The following RLIG1 variants were observed in gnomAD, a reference collection of about 807,000 sequenced individuals.
RLIG1 encodes RNA 5'-phosphate and 3'-OH ligase 1, also known as RNA ligase 1.
At chr12:88,046,602 C>A in the RLIG1 span, among the ~76,000 whole-genome samples, 1 of 152,104 alleles carries the variant, frequency 6.6e-6, no homozygotes, top group Non-Finnish European at 1.5e-5. Flanking sequence ...GTTTGCTGAA[C>A]CGTGGTGGAG....
At chr12:88,049,093 A>G in the RLIG1 span, 1 of 683,192 alleles carries the variant, frequency 1.5e-6, no homozygotes, top group Non-Finnish European at 2.5e-6. Flanking sequence ...TGAGAAGGAA[A>G]TACTACAGTT....
chr12:88,049,310 ATTC>A, the RLIG1 span: 13 of 1,549,158 alleles, frequency 8.4e-6, no homozygotes, highest in South Asian at 2.3e-5. Context: ...CTAAGAGAAT[ATTC>A]TTCTTCACTT....
At chr12:88,047,175 A>G in the RLIG1 span, among the ~76,000 whole-genome samples, 4 of 152,146 alleles carry the variant, frequency 2.6e-5, no homozygotes, top group African/African-American at 7.2e-5. Context: ...GGCATCGATC[A>G]TAACAGGTGT....
chr12:88,048,142 C>T, the RLIG1 span: 3 of 938,152 alleles, frequency 3.2e-6, no homozygotes, highest in Admixed American at 6.7e-5. Context: ...GAGTCTTACC[C>T]AGTACCTGGC....
At chr12:88,035,850 C>G in the RLIG1 span, 1 of 1,528,526 alleles carries the variant, frequency 6.5e-7, no homozygotes, top group Non-Finnish European at 8.8e-7. Flanking sequence ...GCCCTGCAGG[C>G]CAGGAACCTC....
the RLIG1 span, chr12:88,048,367 T>A: frequency 6.3e-7 from 1 of 1,587,882 alleles, no homozygotes; most frequent in East Asian, 2.3e-5. Context: ...AATCATTTTT[T>A]AAAAATAGAT....
the RLIG1 span, chr12:88,046,880 A>C: frequency 6.2e-7 from 1 of 1,613,196 alleles, no homozygotes; most frequent in Middle Eastern, 1.7e-4. Flanking sequence ...ATCTACCTTC[A>C]TTGAAGCACA....
chr12:88,047,465 T>C, the RLIG1 span, among the ~76,000 whole-genome samples: 1 of 152,094 alleles, frequency 6.6e-6, no homozygotes, highest in Admixed American at 6.6e-5. Flanking sequence ...ACTCTCTGAG[T>C]CCACATAATT....
the RLIG1 span, chr12:88,041,943 G>T: frequency 3.3e-5 from 5 of 152,142 alleles, no homozygotes; most frequent in African/African-American, 1.2e-4. Context: ...TCAAGTCACA[G>T]AACCCAAAGT....
At chr12:88,045,749 A>T in the RLIG1 span, 1 of 1,613,144 alleles carries the variant, frequency 6.2e-7, no homozygotes, top group Non-Finnish European at 8.5e-7. Flanking sequence ...ACTGGAACTC[A>T]TAGGAACAAA....
the RLIG1 span, chr12:88,048,843 TC>T: frequency 5.3e-6 from 1 of 186,962 alleles, no homozygotes; most frequent in African/African-American, 2.3e-5. Flanking sequence ...GATTTGAGAA[TC>T]TTAACACATG....
the RLIG1 span, among the ~76,000 whole-genome samples, chr12:88,038,105 A>G: frequency 6.6e-6 from 1 of 152,192 alleles, no homozygotes; most frequent in South Asian, 2.1e-4. Flanking sequence ...AAACATGAAA[A>G]AAACAAAATC....
the RLIG1 span, chr12:88,049,142 A>C: frequency 2.5e-5 from 30 of 1,186,294 alleles, no homozygotes; most frequent in South Asian, 4.0e-4. Flanking sequence ...TAACTTATAA[A>C]GTTAATAAAT....
At chr12:88,043,591 T>C in the RLIG1 span, 4 of 1,570,438 alleles carry the variant, frequency 2.5e-6, no homozygotes, top group Non-Finnish European at 3.5e-6. Context: ...CTTTTTAATA[T>C]TTTTTAGAAT....
chr12:88,035,743 G>A, the RLIG1 span: 1 of 1,590,754 alleles, frequency 6.3e-7, no homozygotes, highest in Non-Finnish European at 8.6e-7. Context: ...CATCAGGTAC[G>A]GAGGAGCGCC....
chr12:88,049,959 A>G, the RLIG1 span: 1 of 166,968 alleles, frequency 6.0e-6, no homozygotes, highest in Admixed American at 6.5e-5. Context: ...TAATTCTCAT[A>G]TCCATGCCTT....
chr12:88,040,373 AG>A, the RLIG1 span: 1 of 588,016 alleles, frequency 1.7e-6, no homozygotes, highest in African/African-American at 1.9e-5. Context: ...TGGAAACCTA[AG>A]TATAGTAGCA....
chr12:88,048,404 T>TA, the RLIG1 span: 1 of 1,473,520 alleles, frequency 6.8e-7, no homozygotes, highest in Non-Finnish European at 9.3e-7. Context: ...GACTCAAAGA[T>TA]ATAATATTTG....
the RLIG1 span, chr12:88,049,355 T>C: frequency 6.4e-7 from 1 of 1,574,226 alleles, no homozygotes; most frequent in South Asian, 1.2e-5. Context: ...GATCTTCAAT[T>C]TCTTCAAAAA....
Sources: gnomAD v4.1 joint callset for allele counts (sites outside exome capture counted in the v4.1 genomes callset) on GRCh38, gnomAD v4.1.1 for gene constraint, MANE v1.5 for transcripts, NCBI Gene and HGNC (gene_info 2026-07-23, HGNC 2026-07-21) for gene names.